CHST9: variants seen among roughly 807,000 people sequenced by gnomAD.
CHST9 encodes the protein carbohydrate sulfotransferase 9.
A neutral mutation model predicts 44.4 loss-of-function variants in CHST9; 41 were observed. That is an observed-to-expected ratio of 0.92 (90% CI 0.72 to 1.20). The LOEUF is 1.20. Among genes scored for constraint, CHST9 ranks in the 50% most tolerant of loss-of-function variants. The probability of loss-of-function intolerance (pLI) is 0.00; values close to 1 mark genes in which losing one functional copy is unlikely to be tolerated. For synonymous variants in CHST9, 171 were observed against 178.4 expected, an observed-to-expected ratio of 0.96 and a Z score of 0.33; for missense variants, 504 against 516.5, an observed-to-expected ratio of 0.98 and a Z score of 0.23.
chr18:27,007,521 A>G (rs2057031025), intron 4 of CHST9, among the ~76,000 whole-genome samples: 1 of 152,254 alleles, frequency 6.6e-6, no homozygotes, highest in Non-Finnish European at 1.5e-5. Flanking sequence ...TTACAAGAGC[A>G]GATATAATCA....
chr18:26,958,470 AC>A lies in CHST9; in HGVS notation c.203-14105del, dbSNP rs956392096. Among the ~76,000 whole-genome samples, 9 of 152,002 alleles carry A rather than the reference AC, an allele frequency of 5.9e-5. No homozygotes were observed. In the South Asian group the frequency reaches 1.7e-3, roughly 28 times the overall value. Reference sequence around the variant, plus strand: ...TCAAAAGTAACTGCAAAAAAAAAAAACAAAAAGAAAAATTGACAAGTGGGAC... The same window carrying A: ...TCAAAAGTAACTGCAAAAAAAAAAAAAAAAAGAAAAATTGACAAGTGGGAC... On this transcript the variant is annotated intron_variant, in intron 4 of 5. Coordinates refer to ENST00000618847, the MANE Select transcript of CHST9 (RefSeq NM_031422.6).
At chr18:26,927,254 G>A (rs569903011) in intron 5 of CHST9, among the ~76,000 whole-genome samples, 5 of 152,142 alleles carry the variant, frequency 3.3e-5, no homozygotes, top group African/African-American at 1.2e-4. Flanking sequence ...GCCATGGATT[G>A]GCAAGAAAAA....
At chr18:27,134,709 GCTATGTGC>G (rs1271948382) in intron 2 of CHST9, among the ~76,000 whole-genome samples, 1 of 152,152 alleles carries the variant, frequency 6.6e-6, no homozygotes, top group African/African-American at 2.4e-5. Flanking sequence ...TAGGCACATT[GCTATGTGC>G]CTTAGCATTG....
intron 1 of CHST9, among the ~76,000 whole-genome samples, chr18:27,163,989 G>A (rs1389401820): frequency 6.6e-6 from 1 of 152,132 alleles, no homozygotes; most frequent in African/African-American, 2.4e-5. Context: ...TATAAATATG[G>A]AATGCAGACA....
chr18:27,109,143 A>G (rs1488558208), intron 2 of CHST9, among the ~76,000 whole-genome samples: 3 of 152,222 alleles, frequency 2.0e-5, no homozygotes, highest in Non-Finnish European at 4.4e-5. Context: ...ACTACACAGC[A>G]AGACTTATGT....
At chr18:26,924,623 T>C in intron 5 of CHST9, 1 of 940,966 alleles carries the variant, frequency 1.1e-6, no homozygotes, top group Non-Finnish European at 1.3e-6. Context: ...GAGACCTAAT[T>C]GTCTCCAGTC....
At chr18:27,076,767 T>C (rs2057908703) in intron 2 of CHST9, among the ~76,000 whole-genome samples, 1 of 152,134 alleles carries the variant, frequency 6.6e-6, no homozygotes, top group East Asian at 1.9e-4. Flanking sequence ...TCATCCACCA[T>C]CAGGCCAATA....
chr18:27,165,807 A>G (rs2058785458), intron 1 of CHST9, among the ~76,000 whole-genome samples: 4 of 152,206 alleles, frequency 2.6e-5, no homozygotes, highest in Non-Finnish European at 5.9e-5. Context: ...ATCTTAAGAA[A>G]ACATTGTATT....
intron 3 of CHST9, among the ~76,000 whole-genome samples, chr18:27,046,512 C>G (rs2057502010): frequency 6.6e-6 from 1 of 151,780 alleles, no homozygotes; most frequent in Non-Finnish European, 1.5e-5. Context: ...ACTGGGGAGG[C>G]AGGACATAGA....
At chr18:26,999,496 C>T (rs1405557376) in intron 4 of CHST9, among the ~76,000 whole-genome samples, 1 of 151,914 alleles carries the variant, frequency 6.6e-6, no homozygotes, top group African/African-American at 2.4e-5. Flanking sequence ...ATTTTTAGTC[C>T]ATATCATTGA....
At chr18:26,997,135 T>C (rs989235538) in intron 4 of CHST9, among the ~76,000 whole-genome samples, 4 of 152,228 alleles carry the variant, frequency 2.6e-5, no homozygotes, top group Non-Finnish European at 4.4e-5. Flanking sequence ...TAAAAGGGAA[T>C]AACAGCAGAT....
chr18:27,164,550 A>G (rs1157987679), intron 1 of CHST9, among the ~76,000 whole-genome samples: 1 of 152,158 alleles, frequency 6.6e-6, no homozygotes, highest in Non-Finnish European at 1.5e-5. Context: ...AAGACCATTA[A>G]TGATATAATT....
intron 2 of CHST9, among the ~76,000 whole-genome samples, chr18:27,084,200 G>T (rs1458835097): frequency 6.6e-6 from 1 of 151,726 alleles, no homozygotes; most frequent in African/African-American, 2.4e-5. Context: ...CAATTTTTTG[G>T]AATAATTTCA....
chr18:27,128,010 C>G (rs543874409), intron 2 of CHST9, among the ~76,000 whole-genome samples: 1 of 152,156 alleles, frequency 6.6e-6, no homozygotes, highest in African/African-American at 2.4e-5. Context: ...AGCTGCCTCT[C>G]TAGAAAACAG....
intron 1 of CHST9, among the ~76,000 whole-genome samples, chr18:27,159,859 C>G (rs550984847): frequency 2.0e-5 from 3 of 152,212 alleles, no homozygotes; most frequent in Admixed American, 1.3e-4. Context: ...GTATTTTATT[C>G]TCTTTGAAGC....
intron 2 of CHST9, among the ~76,000 whole-genome samples, chr18:27,099,395 T>C (rs56377830): frequency 0.068 from 10,316 of 151,866 alleles, 446 homozygotes; most frequent in East Asian, 0.14. Flanking sequence ...ACAGAGTAAA[T>C]AGACAATCTA....
At chr18:27,155,866 T>C (rs1163344764) in intron 1 of CHST9, among the ~76,000 whole-genome samples, 1 of 152,016 alleles carries the variant, frequency 6.6e-6, no homozygotes, top group Admixed American at 6.6e-5. Context: ...ATAAAAATGG[T>C]GGCTAAACTT....
intron 1 of CHST9, chr18:27,147,861 C>CTTTTT (rs199868717): frequency 7.1e-6 from 1 of 140,112 alleles, no homozygotes; most frequent in Non-Finnish European, 1.6e-5. Context: ...TATACTATTT[C>CTTTTT]TTTTTTTTTT....
At chr18:26,998,821 A>C (rs1423476064) in intron 4 of CHST9, among the ~76,000 whole-genome samples, 2 of 152,178 alleles carry the variant, frequency 1.3e-5, no homozygotes, top group Admixed American at 6.5e-5. Flanking sequence ...ATTCATACCA[A>C]ATGGGAAAGA....
Sources: allele counts gnomAD v4.1 joint callset (sites outside exome capture counted in the v4.1 genomes callset), GRCh38; gene constraint gnomAD v4.1.1; transcripts MANE v1.5; gene names NCBI Gene and HGNC (gene_info 2026-07-23, HGNC 2026-07-21).